Variants in SRSF9 observed in about 807,000 individuals in gnomAD.
SRSF9 encodes serine/arginine-rich splicing factor 9.
In SRSF9, 3 loss-of-function variants were observed where a neutral mutation model predicts 25.9. The ratio of observed to expected loss-of-function variants is 0.12; its 90% CI spans 0.05 to 0.30. SRSF9 has a LOEUF of 0.30. Ranked by LOEUF, SRSF9 falls within the 10% of genes least tolerant of loss-of-function variation. SRSF9 has a pLI of 1.00. For missense variants in SRSF9, 161 were observed against 303.5 expected, an observed-to-expected ratio of 0.53 and a Z score of 3.49; for synonymous variants, 114 against 113.2, an observed-to-expected ratio of 1.01 and a Z score of -0.05.
chr12:120,469,710 C>G lies in SRSF9; in HGVS notation c.-101G>C, dbSNP rs1051951956. 22 of 697,012 alleles carry G rather than the reference C, an allele frequency of 3.2e-5. No homozygotes were observed. The highest frequency in any genetic ancestry group is 4.8e-5 in the Admixed American group (1 of 20,710). 43.2% of individuals were successfully genotyped at this position (697,012 alleles called of 1,614,324 possible). ...TCCCCGCGGGCTCCGAGGCGCTCAG[C>G]CGCACTGCATTGTGGGAACGCGGAG... On this transcript the variant is annotated 5_prime_UTR_variant, in exon 1 of 4. Transcript: ENST00000229390.
intron 2 of SRSF9, 102 bp downstream of exon 2, chr12:120,465,525 G>A (rs1018187586): frequency 1.7e-5 from 22 of 1,295,270 alleles, no homozygotes; most frequent in Non-Finnish European, 1.8e-5. Flanking sequence ...GAAAGCCCCC[G>A]TGTCCCATGC....
intron 1 of SRSF9, among the ~76,000 whole-genome samples, chr12:120,467,092 T>C (rs76666449): frequency 0.083 from 12,573 of 152,184 alleles, 669 homozygotes; most frequent in Non-Finnish European, 0.11. Flanking sequence ...AGGCACATAA[T>C]CACTTGTAAG....
Position 120,462,112 on chromosome 12 carries a change from G to C in SRSF9, c.573C>G (p.Gly191=). 1 of 1,612,892 alleles carries C rather than the reference G, an allele frequency of 6.2e-7. No individual in the cohort carries two copies. The highest frequency in any genetic ancestry group is 1.3e-5 in the African/African-American group (1 of 74,974). ...RVYPERSTSY[G]YSRSRSGSRG... ...TTGACCCAGACCGAGACCGTGAGTA[G>C]CCATAGCTGGTGCTTCTCTCAGGAT... is the stretch of plus-strand genomic sequence containing the variant. Residue 191 remains glycine (G), a synonymous_variant, in exon 4 of 4, where the codon GGC becomes GGG. Coordinates refer to ENST00000229390, the MANE Select transcript of SRSF9 (RefSeq NM_003769.3).
chr12:120,463,048 G>A (rs1405145384), intron 3 of SRSF9: 1 of 152,160 alleles, frequency 6.6e-6, no homozygotes, highest in African/African-American at 2.4e-5. Context: ...AAAAAGAAAT[G>A]AGCCCAGAGA....
chr12:120,469,056 A>G (rs1001109060), intron 1 of SRSF9, among the ~76,000 whole-genome samples: 1 of 151,094 alleles, frequency 6.6e-6, no homozygotes, highest in Non-Finnish European at 1.5e-5. Context: ...GCGAACGGCG[A>G]CCCCCGCGCT....
intron 1 of SRSF9, among the ~76,000 whole-genome samples, chr12:120,466,674 C>T (rs1298844692): frequency 6.6e-6 from 1 of 152,054 alleles, no homozygotes; most frequent in Non-Finnish European, 1.5e-5. Flanking sequence ...ATAGCTAGGG[C>T]CACAGGCGTG....
chr12:120,462,619 C>G (rs1035107920), intron 3 of SRSF9: 2 of 153,054 alleles, frequency 1.3e-5, no homozygotes, highest in African/African-American at 4.8e-5. Flanking sequence ...GAGCTAGATG[C>G]TTTAGACGTT....
In SRSF9 at chr12:120,467,732, G is replaced by A. The variant is rs561842842; in HGVS notation, c.188+1690C>T. Among the ~76,000 whole-genome samples, 16 of 151,820 alleles carry A rather than the reference G, an allele frequency of 1.1e-4. No individual in the cohort carries two copies. The South Asian group carries it at 3.3e-3, about 32-fold the overall frequency. ...ATAGTTTTTCTATTATGAAAGGAAT[G>A]AGGGAAGATGACAATGTAGCGTATC... On this transcript the variant is annotated intron_variant, in intron 1 of 3. Transcript: ENST00000229390.
chr12:120,466,561 G>A (rs563448473), intron 1 of SRSF9, among the ~76,000 whole-genome samples: 10 of 151,158 alleles, frequency 6.6e-5, no homozygotes, highest in East Asian at 3.9e-4. Context: ...TTTTTGAAAC[G>A]GGGTCTTGCT....
In SRSF9 at chr12:120,469,687, C is replaced by T. The variant is rs926427740; in HGVS notation, c.-78G>A. ...TCAGCACGGGTCCCCCCGCAGCGTC[C>T]CCGCGGGCTCCGAGGCGCTCAGCCG... On this transcript the variant is annotated 5_prime_UTR_variant, in exon 1 of 4. Coordinates refer to ENST00000229390, the MANE Select transcript of SRSF9 (RefSeq NM_003769.3). 1.0e-6 allele frequency: 1 copy of T among 961,518 alleles called. No homozygotes were observed. The highest frequency in any genetic ancestry group is 1.3e-6 in the Non-Finnish European group (1 of 756,066). 59.6% of individuals were successfully genotyped at this position (961,518 alleles called of 1,614,324 possible).
intron 1 of SRSF9, among the ~76,000 whole-genome samples, chr12:120,467,411 G>T (rs138590358): frequency 0.031 from 4,783 of 152,242 alleles, 119 homozygotes; most frequent in Non-Finnish European, 0.048. Flanking sequence ...TGAGGCACGA[G>T]AATCTCTTGA....
At chr12:120,467,482 C>T (rs932788679) in intron 1 of SRSF9, among the ~76,000 whole-genome samples, 2 of 152,172 alleles carry the variant, frequency 1.3e-5, no homozygotes, top group African/African-American at 2.4e-5. Context: ...GCCTGCACGA[C>T]AGAGCCAGAC....
At chr12:120,462,216 A>C in intron 3 of SRSF9, 54 bp from the exon 4 acceptor site, 1 of 1,545,340 alleles carries the variant, frequency 6.5e-7, no homozygotes, top group Non-Finnish European at 8.8e-7. Flanking sequence ...CAGAGCCAGA[A>C]GAATAAGCAA....
rs756275363 is a variant in SRSF9 at position 120,462,121 on chromosome 12, G to C, written c.564C>G (p.Thr188=). 1 of 1,612,688 alleles carries C rather than the reference G, an allele frequency of 6.2e-7. No individual in the cohort carries two copies. The highest frequency in any genetic ancestry group is 8.5e-7 in the Non-Finnish European group (1 of 1,179,872). ...SYIRVYPERS[T]SYGYSRSRSG... ...ACCGAGACCGTGAGTAGCCATAGCT[G>C]GTGCTTCTCTCAGGATAAACTCGGA... The change falls in exon 4 of 4, where the codon ACC becomes ACG. Residue 188 remains threonine, a synonymous_variant. Coordinates refer to ENST00000229390, the MANE Select transcript of SRSF9 (RefSeq NM_003769.3).
chr12:120,465,533 T>C, intron 2 of SRSF9, 94 bp downstream of exon 2: 1 of 1,375,362 alleles, frequency 7.3e-7, no homozygotes, highest in African/African-American at 1.5e-5. Context: ...CCGTGTCCCA[T>C]GCACTGAAGA....
Position 120,464,049 on chromosome 12 carries a change from A to G in SRSF9, c.423T>C (p.Asp141=), listed in dbSNP as rs764167144. Residue 141 remains aspartate (D), a synonymous_variant, in exon 3 of 4, where the codon GAT becomes GAC. Transcript: ENST00000229390. The part of the protein sequence containing the change: ...MREAGDVCYA[D]VQKDGVGMVE... ...CCATCCCCACTCCATCCTTCTGCAC[A>G]TCAGCATAACAGACATCCCCAGCTT... 5 of 1,614,060 alleles carry G rather than the reference A, an allele frequency of 3.1e-6. No homozygotes were observed. The highest frequency in any genetic ancestry group is 2.7e-5 in the African/African-American group (2 of 74,934).
intron 1 of SRSF9, 97 bp downstream of exon 1, chr12:120,469,325 G>A (rs1197914649): frequency 2.5e-6 from 2 of 803,976 alleles, no homozygotes; most frequent in Non-Finnish European, 1.8e-6. Context: ...CGGGGGGAGG[G>A]GAGGCCGGGG....
chr12:120,465,376 T>C (rs12307148), intron 2 of SRSF9: 63,341 of 324,770 alleles, frequency 0.2, 6,973 homozygotes, highest in African/African-American at 0.3. Context: ...CCCATCATCT[T>C]TCCTTCTCAC....
At position 120,461,943 on chromosome 12, in the gene SRSF9, A is replaced by T; in HGVS notation, c.*76T>A. 7.3e-7 allele frequency: 1 copy of T among 1,369,470 alleles called. No individual in the cohort carries two copies. The highest frequency in any genetic ancestry group is 9.6e-7 in the Non-Finnish European group (1 of 1,043,820). 84.8% of individuals were successfully genotyped at this position (1,369,470 alleles called of 1,614,324 possible). On this transcript the variant is annotated 3_prime_UTR_variant, in exon 4 of 4. Coordinates refer to ENST00000229390, the MANE Select transcript of SRSF9 (RefSeq NM_003769.3). ...AAATTTCCTAAGACACTAAATCCTC[A>T]ATCTGGAATGTAGATTCTGAGCACA... is the stretch of plus-strand genomic sequence containing the variant.
Sources: gnomAD v4.1 joint callset for allele counts (sites outside exome capture counted in the v4.1 genomes callset) on GRCh38, gnomAD v4.1.1 for gene constraint, MANE v1.5 for transcripts, NCBI Gene and HGNC (gene_info 2026-07-23, HGNC 2026-07-21) for gene names.